Variants in SLC24A2 observed in about 807,000 individuals in gnomAD.
SLC24A2 encodes the protein solute carrier family 24 member 2.
SLC24A2 carries 36 observed loss-of-function variants against 62.0 expected under a neutral mutation model. That is an observed-to-expected ratio of 0.58 (90% confidence interval 0.44 to 0.77). The LOEUF (loss-of-function observed/expected upper bound fraction) is 0.77. SLC24A2 is among the 30% of genes least tolerant of loss of function. The pLI is 0.00. For synonymous variants in SLC24A2, 358 were observed against 294.0 expected (o/e 1.22, Z -2.23); for missense variants, 846 against 817.9 (o/e 1.03, Z -0.42).
the SLC24A2 span, among the ~76,000 whole-genome samples, chr9:19,913,543 C>T: frequency 6.6e-6 from 1 of 152,074 alleles, no homozygotes; most frequent in Non-Finnish European, 1.5e-5. Flanking sequence ...TTAGGGCAGA[C>T]ATGCAAAGGG....
In SLC24A2 at chr9:19,511,648, A is replaced by G. The variant is rs573220685; in HGVS notation, c.*4505T>C. The G allele has an allele frequency of 2.0e-5, 3 of 152,320 alleles. No individual in the cohort carries two copies. Among genetic ancestry groups the G allele is most frequent in the Admixed American group, 6.5e-5 (1 of 15,306 alleles). The allele number at this position is 152,320 out of a possible 1,614,324, so 9.4% of individuals were successfully genotyped here. Reference sequence around the variant, plus strand: ...GGGGTTGAGGAGGTATCTTTTAAAAATATTAAGCCGGATCGTTAAGGAATA... The same window carrying G: ...GGGGTTGAGGAGGTATCTTTTAAAAGTATTAAGCCGGATCGTTAAGGAATA... On this transcript the variant is annotated 3_prime_UTR_variant, in exon 11 of 11. Transcript: ENST00000341998.
the SLC24A2 span, among the ~76,000 whole-genome samples, chr9:20,181,153 T>TTTAC: frequency 6.6e-6 from 1 of 152,082 alleles, no homozygotes; most frequent in Non-Finnish European, 1.5e-5. Context: ...GCTTTGTAGT[T>TTTAC]AACTAGTCTC....
chr9:19,881,940 T>G, the SLC24A2 span, among the ~76,000 whole-genome samples: 19 of 152,326 alleles, frequency 1.2e-4, no homozygotes, highest in South Asian at 2.5e-3. Context: ...TGTTATTAAT[T>G]TTTTTCACAA....
At chr9:19,806,758 G>C in the SLC24A2 span, among the ~76,000 whole-genome samples, 1 of 152,124 alleles carries the variant, frequency 6.6e-6, no homozygotes, top group South Asian at 2.1e-4. Flanking sequence ...CTAAGAAGCA[G>C]AAGTTGCAAC....
chr9:19,676,659 T>G (rs772301809), intron 2 of SLC24A2, among the ~76,000 whole-genome samples: 8 of 152,130 alleles, frequency 5.3e-5, no homozygotes, highest in Admixed American at 2.0e-4. Flanking sequence ...AATAAATAAA[T>G]AAACCCTTGA....
chr9:20,010,905 C>A, the SLC24A2 span, among the ~76,000 whole-genome samples: 27 of 152,014 alleles, frequency 1.8e-4, no homozygotes, highest in Non-Finnish European at 2.9e-5. Context: ...TGATGGTTTC[C>A]AGCTTCATCC....
chr9:20,208,417 A>G, the SLC24A2 span, among the ~76,000 whole-genome samples: 1 of 152,238 alleles, frequency 6.6e-6, no homozygotes. Context: ...ATGCAGAACC[A>G]TGATTCCGGG....
the SLC24A2 span, chr9:19,895,963 A>C: frequency 2.5e-6 from 4 of 1,609,964 alleles, no homozygotes; most frequent in South Asian, 2.2e-5. Flanking sequence ...GGAGTCTTGG[A>C]GCATGTAACT....
At chr9:19,653,151 G>T (rs1818848096) in intron 2 of SLC24A2, among the ~76,000 whole-genome samples, 3 of 152,290 alleles carry the variant, frequency 2.0e-5, no homozygotes, top group Non-Finnish European at 4.4e-5. Context: ...TTTCCCTTGA[G>T]GACAGAGGCC....
At chr9:20,289,265 G>A in the SLC24A2 span, among the ~76,000 whole-genome samples, 416 of 152,316 alleles carry the variant, frequency 2.7e-3, no homozygotes, top group Non-Finnish European at 4.4e-3. Flanking sequence ...TAACAGTTAA[G>A]TTTTATGTCC....
chr9:20,129,807 G>A, the SLC24A2 span, among the ~76,000 whole-genome samples: 2 of 152,048 alleles, frequency 1.3e-5, no homozygotes, highest in African/African-American at 4.8e-5. Flanking sequence ...TGCTTGAAGA[G>A]TGAAAGGCTT....
At chr9:20,064,805 A>G in the SLC24A2 span, among the ~76,000 whole-genome samples, 1 of 152,210 alleles carries the variant, frequency 6.6e-6, no homozygotes, top group East Asian at 1.9e-4. Context: ...GGCATACAAT[A>G]TGCATATGAA....
chr9:20,273,783 A>C, the SLC24A2 span, among the ~76,000 whole-genome samples: 1 of 152,044 alleles, frequency 6.6e-6, no homozygotes, highest in South Asian at 2.1e-4. Flanking sequence ...TCAATATTAA[A>C]CCTTACCCCC....
chr9:19,742,610 T>C (rs1821713075), intron 2 of SLC24A2, among the ~76,000 whole-genome samples: 1 of 152,150 alleles, frequency 6.6e-6, no homozygotes, highest in Admixed American at 6.6e-5. Flanking sequence ...TTAGTTTAAG[T>C]GTATAATAAG....
chr9:20,232,068 C>A, the SLC24A2 span, among the ~76,000 whole-genome samples: 32 of 152,326 alleles, frequency 2.1e-4, no homozygotes, highest in East Asian at 4.6e-3. Flanking sequence ...ACCAGCCTTG[C>A]ATCCCAGGGA....
chr9:19,999,829 C>A, the SLC24A2 span, among the ~76,000 whole-genome samples: 1 of 152,122 alleles, frequency 6.6e-6, no homozygotes, highest in African/African-American at 2.4e-5. Context: ...AGTCAACACC[C>A]ATGGCTGAGA....
the SLC24A2 span, among the ~76,000 whole-genome samples, chr9:19,932,941 G>A: frequency 6.6e-6 from 1 of 152,216 alleles, no homozygotes; most frequent in East Asian, 1.9e-4. Context: ...AGGAACCTAA[G>A]GCTGGAAGGC....
the SLC24A2 span, among the ~76,000 whole-genome samples, chr9:19,813,009 A>T: frequency 6.6e-6 from 1 of 152,152 alleles, no homozygotes. Flanking sequence ...CTTTCTACTT[A>T]GCTCCTTAGT....
chr9:19,973,837 GT>G, the SLC24A2 span, among the ~76,000 whole-genome samples: 1 of 152,056 alleles, frequency 6.6e-6, no homozygotes, highest in African/African-American at 2.4e-5. Flanking sequence ...TAGATAGTAG[GT>G]TTTTTTGAAG....
Sources: allele counts gnomAD v4.1 joint callset (sites outside exome capture counted in the v4.1 genomes callset), GRCh38; gene constraint gnomAD v4.1.1; transcripts MANE v1.5; gene names NCBI Gene and HGNC (gene_info 2026-07-23, HGNC 2026-07-21).